The following PTPRT variants were observed in gnomAD, a reference collection of about 807,000 sequenced individuals.
PTPRT encodes the protein protein tyrosine phosphatase receptor type T.
Under a neutral mutation model 176.8 loss-of-function variants are expected in PTPRT, and 56 were observed. The observed-to-expected ratio is 0.32, with a 90% CI of 0.26 to 0.40. The LOEUF (loss-of-function observed/expected upper bound fraction) is 0.40. Ranked by LOEUF, PTPRT falls within the 10% of genes least tolerant of loss-of-function variation. PTPRT has a pLI of 1.00. For missense variants in PTPRT, 1,540 were observed against 1,908.2 expected (o/e 0.81, Z 3.60); for synonymous variants, 783 against 739.0 (o/e 1.06, Z -0.96).
intron 16 of PTPRT, among the ~76,000 whole-genome samples, chr20:42,196,931 TATG>T (rs1244090154): frequency 5.3e-5 from 8 of 152,320 alleles, no homozygotes; most frequent in South Asian, 4.1e-4. Context: ...TGCAAAGCGG[TATG>T]ATATGTCCAT....
chr20:42,589,442 A>G (rs747696876), intron 7 of PTPRT, among the ~76,000 whole-genome samples: 12 of 152,184 alleles, frequency 7.9e-5, no homozygotes, highest in Non-Finnish European at 1.5e-4. Context: ...AGCAACTTCC[A>G]TTTGAGCAGA....
intron 9 of PTPRT, among the ~76,000 whole-genome samples, chr20:42,393,911 G>T (rs992519271): frequency 6.6e-6 from 1 of 152,134 alleles, no homozygotes; most frequent in Non-Finnish European, 1.5e-5. Flanking sequence ...GAATTGCATG[G>T]AAGAGTCAGG....
intron 1 of PTPRT, among the ~76,000 whole-genome samples, chr20:43,091,547 A>T (rs892517578): frequency 6.6e-6 from 1 of 151,184 alleles, no homozygotes; most frequent in Admixed American, 6.6e-5. Flanking sequence ...TCACACACAC[A>T]TACACACAAA....
At chr20:43,068,435 G>T (rs1185256179) in intron 1 of PTPRT, among the ~76,000 whole-genome samples, 1 of 150,788 alleles carries the variant, frequency 6.6e-6, no homozygotes, top group African/African-American at 2.5e-5. Flanking sequence ...GAACCCGGGA[G>T]GCGGAGGTTG....
At chr20:42,422,766 C>G (rs939619749) in intron 9 of PTPRT, among the ~76,000 whole-genome samples, 4 of 152,170 alleles carry the variant, frequency 2.6e-5, no homozygotes, top group Non-Finnish European at 5.9e-5. Context: ...CATTGTAGCA[C>G]TATTCACAAT....
At chr20:42,505,795 C>A (rs2071833788) in intron 7 of PTPRT, among the ~76,000 whole-genome samples, 1 of 152,098 alleles carries the variant, frequency 6.6e-6, no homozygotes, top group Non-Finnish European at 1.5e-5. Flanking sequence ...CTCCAAAGGA[C>A]ATATGGTTTA....
At chr20:43,109,058 T>C (rs1193257138) in intron 1 of PTPRT, among the ~76,000 whole-genome samples, 2 of 152,156 alleles carry the variant, frequency 1.3e-5, no homozygotes, top group African/African-American at 4.8e-5. Flanking sequence ...AAGCCCTTAC[T>C]GAGTTTTCCC....
At chr20:43,070,968 TAA>T (rs11474990) in intron 1 of PTPRT, among the ~76,000 whole-genome samples, 2,536 of 122,832 alleles carry the variant, frequency 0.021, 48 homozygotes, top group East Asian at 0.079. Context: ...AAAGTATAAT[TAA>T]AAAAAAAAAA....
intron 1 of PTPRT, among the ~76,000 whole-genome samples, chr20:43,034,163 T>C (rs1161256552): frequency 6.6e-6 from 1 of 152,162 alleles, no homozygotes; most frequent in Admixed American, 6.5e-5. Context: ...GAAAGAACCA[T>C]CCAAGGAAGT....
chr20:43,082,225 C>T (rs1179368318), intron 1 of PTPRT, among the ~76,000 whole-genome samples: 2 of 152,150 alleles, frequency 1.3e-5, no homozygotes, highest in African/African-American at 4.8e-5. Context: ...GTGAGATTAA[C>T]CATTTATTCT....
At chr20:42,330,578 T>G (rs1017582157) in intron 11 of PTPRT, among the ~76,000 whole-genome samples, 6 of 151,968 alleles carry the variant, frequency 3.9e-5, no homozygotes, top group African/African-American at 1.5e-4. Flanking sequence ...AGCAAGTCTA[T>G]GTAGTCTATG....
At chr20:42,125,105 T>A (rs6130043) in intron 19 of PTPRT, among the ~76,000 whole-genome samples, 43,793 of 152,010 alleles carry the variant, frequency 0.29, 6,791 homozygotes, top group Non-Finnish European at 0.34. Flanking sequence ...TCTTCCCTTA[T>A]CTGGGTCTAG....
At chr20:42,436,309 A>G (rs1190713864) in intron 9 of PTPRT, among the ~76,000 whole-genome samples, 10 of 152,336 alleles carry the variant, frequency 6.6e-5, no homozygotes, top group Admixed American at 5.9e-4. Flanking sequence ...AGCAAATTAC[A>G]TTTGTAACTG....
chr20:43,051,164 G>C (rs3092568), intron 1 of PTPRT, among the ~76,000 whole-genome samples: 56,957 of 151,782 alleles, frequency 0.38, 14,020 homozygotes, highest in African/African-American at 0.7. Context: ...TTGAGTTCTT[G>C]GATCAAGCTA....
intron 1 of PTPRT, among the ~76,000 whole-genome samples, chr20:43,140,132 T>C (rs1457151224): frequency 1.3e-5 from 2 of 152,218 alleles, no homozygotes; most frequent in East Asian, 3.8e-4. Context: ...TATTTAAATA[T>C]GTGTGTGTGC....
chr20:42,132,158 C>G (rs1208801783), intron 18 of PTPRT, among the ~76,000 whole-genome samples: 2 of 152,128 alleles, frequency 1.3e-5, no homozygotes, highest in African/African-American at 2.4e-5. Flanking sequence ...AAAATTCATG[C>G]CTACACAGCT....
At chr20:43,020,015 C>A (rs561663658) in intron 1 of PTPRT, among the ~76,000 whole-genome samples, 49 of 151,796 alleles carry the variant, frequency 3.2e-4, no homozygotes, top group South Asian at 3.1e-3. Context: ...TGCTCTCAGC[C>A]TCCATAATTG....
intron 7 of PTPRT, among the ~76,000 whole-genome samples, chr20:42,628,868 C>G (rs987683268): frequency 2.6e-5 from 4 of 152,098 alleles, no homozygotes; most frequent in Non-Finnish European, 5.9e-5. Flanking sequence ...CCATTTGGTC[C>G]ACAAATGCTA....
At chr20:42,916,633 C>T (rs1387847887) in intron 1 of PTPRT, among the ~76,000 whole-genome samples, 4 of 152,168 alleles carry the variant, frequency 2.6e-5, no homozygotes, top group Non-Finnish European at 5.9e-5. Context: ...CCTGTTATTT[C>T]CTGACTTTTT....
Sources: gnomAD v4.1 joint callset for allele counts (sites outside exome capture counted in the v4.1 genomes callset) on GRCh38, gnomAD v4.1.1 for gene constraint, MANE v1.5 for transcripts, NCBI Gene and HGNC (gene_info 2026-07-23, HGNC 2026-07-21) for gene names.